The following ARHGEF10L variants were observed in gnomAD, a reference collection of about 807,000 sequenced individuals.
ARHGEF10L encodes Rho guanine nucleotide exchange factor 10 like, also known as rho guanine nucleotide exchange factor 10-like protein.
ARHGEF10L carries 69 observed loss-of-function variants against 141.2 expected under a neutral mutation model. The ratio of observed to expected loss-of-function variants is 0.49; its 90% CI spans 0.40 to 0.60. ARHGEF10L has a LOEUF of 0.60. ARHGEF10L is among the 20% of genes least tolerant of loss of function. The pLI is 0.00. For synonymous variants in ARHGEF10L, 711 were observed against 718.5 expected (o/e 0.99, Z 0.17); for missense variants, 1,482 against 1,734.3 (o/e 0.85, Z 2.58).
At position 17,679,412 on chromosome 1, in the gene ARHGEF10L, C is replaced by T. The variant is rs138694227; in HGVS notation, c.3010-8161C>T. Among the ~76,000 whole-genome samples, 506 of 152,232 alleles carry T rather than the reference C, an allele frequency of 3.3e-3. 3 individuals are homozygous for T. Among genetic ancestry groups the T allele is most frequent in the Middle Eastern group, 6.8e-3 (2 of 294 alleles). ...AGGCTGAGTATTGGCACTGGAGTCC[C>T]GTTAGGGTGACCAAGTGTCTTGGTT... On this transcript the variant is annotated intron_variant, in intron 26 of 28. Coordinates refer to ENST00000361221, the MANE Select transcript of ARHGEF10L (RefSeq NM_018125.4).
chr1:17,585,484 C>G (rs142983724), intron 2 of ARHGEF10L, among the ~76,000 whole-genome samples: 77 of 152,264 alleles, frequency 5.1e-4, no homozygotes, highest in African/African-American at 1.8e-3. Context: ...TGCCCAGAGT[C>G]CACCCCTGCT....
At chr1:17,590,400 C>T (rs2079428993) in intron 4 of ARHGEF10L, among the ~76,000 whole-genome samples, 1 of 152,096 alleles carries the variant, frequency 6.6e-6, no homozygotes. Flanking sequence ...TGTGTGATTC[C>T]TGGTGAGGTC....
chr1:17,638,778 C>T, intron 20 of ARHGEF10L, 89 bp downstream of exon 20: 1 of 1,559,562 alleles, frequency 6.4e-7, no homozygotes, highest in South Asian at 1.2e-5. Flanking sequence ...CTGGAGCCCT[C>T]TTATTTGTCG....
At chr1:17,624,225 G>T (rs563168248) in intron 12 of ARHGEF10L, among the ~76,000 whole-genome samples, 162 bp from the exon 13 acceptor site, 3 of 152,318 alleles carry the variant, frequency 2.0e-5, no homozygotes, top group African/African-American at 7.2e-5. Context: ...CCCAGTGGGG[G>T]TGATGGATTT....
chr1:17,598,852 G>A (rs555104771), intron 4 of ARHGEF10L, among the ~76,000 whole-genome samples: 1 of 152,112 alleles, frequency 6.6e-6, no homozygotes, highest in Non-Finnish European at 1.5e-5. Flanking sequence ...TGTGATGTAG[G>A]TGAATGTCTA....
At chr1:17,551,428 C>A (rs1395691286) in intron 1 of ARHGEF10L, among the ~76,000 whole-genome samples, 1 of 152,124 alleles carries the variant, frequency 6.6e-6, no homozygotes, top group Non-Finnish European at 1.5e-5. Context: ...AGGAGGCATC[C>A]AGGCATGTGC....
the ARHGEF10L span, among the ~76,000 whole-genome samples, chr1:17,527,084 T>G: frequency 3.9e-5 from 6 of 152,166 alleles, no homozygotes; most frequent in Non-Finnish European, 5.9e-5. Flanking sequence ...TTCTGGAAAC[T>G]ACAAAACTGG....
At chr1:17,600,362 G>A (rs2080528072) in intron 4 of ARHGEF10L, among the ~76,000 whole-genome samples, 1 of 152,198 alleles carries the variant, frequency 6.6e-6, no homozygotes, top group African/African-American at 2.4e-5. Flanking sequence ...ACAGTCTAAG[G>A]CCTCTGCCCT....
chr1:17,588,308 CGG>C, intron 3 of ARHGEF10L, 136 bp from the exon 4 acceptor site: 1 of 695,746 alleles, frequency 1.4e-6, no homozygotes, highest in Non-Finnish European at 2.2e-6. Flanking sequence ...GGGAGGGAGG[CGG>C]GGCTCAGCAG....
At chr1:17,681,928 C>G (rs2064154573) in intron 26 of ARHGEF10L, among the ~76,000 whole-genome samples, 1 of 152,016 alleles carries the variant, frequency 6.6e-6, no homozygotes, top group African/African-American at 2.4e-5. Flanking sequence ...TCACTAGTTA[C>G]AGAGATTCAC....
intron 19 of ARHGEF10L, among the ~76,000 whole-genome samples, 193 bp from the exon 20 acceptor site, chr1:17,638,369 T>A (rs2061139492): frequency 6.6e-6 from 1 of 152,206 alleles, no homozygotes; most frequent in Admixed American, 6.5e-5. Flanking sequence ...AGGTGGGATC[T>A]GAGCCCAGGG....
intron 4 of ARHGEF10L, among the ~76,000 whole-genome samples, chr1:17,598,993 G>C (rs559987359): frequency 3.5e-4 from 53 of 152,202 alleles, no homozygotes; most frequent in African/African-American, 1.2e-3. Flanking sequence ...GTGAGGCTCA[G>C]TTTCCCCACC....
rs1424082607 is a variant in ARHGEF10L at position 17,607,849 on chromosome 1, C to T, written c.481C>T (p.Pro161Ser). 1.3e-6 allele frequency: 2 copies of T among 1,591,030 alleles called. No individual in the cohort carries two copies. The highest frequency in any genetic ancestry group is 1.4e-5 in the African/African-American group (1 of 73,022). Residue 161 changes from proline to serine, a missense_variant, in exon 7 of 29, where the codon CCT becomes TCT. This residue lies in a region of ARHGEF10L where 232 missense variants were observed against 225.9 expected (regional missense o/e 1.03). Coordinates refer to ENST00000361221, the MANE Select transcript of ARHGEF10L (RefSeq NM_018125.4). This position sits in a 1 kb window ranked among gnomAD's most constrained non-coding sequence, Gnocchi z 4.5. ...CGAGGATGCGCACCGGGCTGGGGCC[C>T]CTCGGCAGGCGGAGGACCTAGGCTG... is the stretch of plus-strand genomic sequence containing the variant. Reference protein sequence around the residue: ...LYEDAHRAGAPRQAEDLGWSS... With the variant: ...LYEDAHRAGASRQAEDLGWSS...
intron 25 of ARHGEF10L, among the ~76,000 whole-genome samples, chr1:17,659,376 A>G (rs2062467104): frequency 6.6e-6 from 1 of 152,152 alleles, no homozygotes; most frequent in Non-Finnish European, 1.5e-5. Context: ...GCTACATGGT[A>G]TGTGGTGGGC....
At chr1:17,526,104 C>A in the ARHGEF10L span, among the ~76,000 whole-genome samples, 1 of 151,998 alleles carries the variant, frequency 6.6e-6, no homozygotes, top group Non-Finnish European at 1.5e-5. Flanking sequence ...TTCCTCAGGG[C>A]CCTTCCCCTC....
intron 7 of ARHGEF10L, among the ~76,000 whole-genome samples, chr1:17,610,361 C>T (rs964387313): frequency 2.0e-5 from 3 of 152,144 alleles, no homozygotes; most frequent in East Asian, 1.9e-4. Context: ...CCTGTGAGCT[C>T]GTGTCCCTCA....
At chr1:17,562,060 C>T (rs1239408695) in intron 1 of ARHGEF10L, among the ~76,000 whole-genome samples, 1 of 152,184 alleles carries the variant, frequency 6.6e-6, no homozygotes, top group Non-Finnish European at 1.5e-5. Context: ...TTATTGAAGA[C>T]TTGTTAGTGC....
At chr1:17,652,920 C>A (rs998228251) in intron 22 of ARHGEF10L, among the ~76,000 whole-genome samples, 4 of 152,312 alleles carry the variant, frequency 2.6e-5, no homozygotes, top group Middle Eastern at 3.4e-3. Context: ...GTGTCTTGAC[C>A]TTCACCAACC....
At chr1:17,518,822 A>G in the ARHGEF10L span, among the ~76,000 whole-genome samples, 68,038 of 79,560 alleles carry the variant, frequency 0.86, 29,558 homozygotes, top group Non-Finnish European at 0.91. Context: ...AAAAAAAAAA[A>G]AAAGAAAGAA....
Sources: allele counts gnomAD v4.1 joint callset (sites outside exome capture counted in the v4.1 genomes callset), GRCh38; gene constraint gnomAD v4.1.1; regional missense constraint gnomAD v4.1.1; non-coding constraint Gnocchi (gnomAD v3.1); transcripts MANE v1.5; gene names NCBI Gene and HGNC (gene_info 2026-07-23, HGNC 2026-07-21).